ZC3H12C: variants seen among roughly 807,000 people sequenced by gnomAD.
ZC3H12C encodes zinc finger CCCH-type containing 12C, also known as probable ribonuclease ZC3H12C.
In ZC3H12C, 20 loss-of-function variants were observed where a neutral mutation model predicts 76.3. The ratio of observed to expected loss-of-function variants is 0.26; its 90% CI spans 0.18 to 0.38. The LOEUF is 0.38. Ranked by LOEUF, ZC3H12C falls within the 10% of genes least tolerant of loss-of-function variation. The pLI is 1.00. For synonymous variants in ZC3H12C, 352 were observed against 399.6 expected (o/e 0.88, Z 1.42); for missense variants, 874 against 1,086.5 (o/e 0.80, Z 2.75).
chr11:110,160,205 G>A (rs1482448271), intron 4 of ZC3H12C, among the ~76,000 whole-genome samples: 1 of 152,242 alleles, frequency 6.6e-6, no homozygotes, highest in Admixed American at 6.5e-5. Flanking sequence ...AGGACGGGAA[G>A]TTGTCCTGAG....
rs112402193 is a variant in ZC3H12C at position 110,132,092 on chromosome 11, C to T, written c.22-4571C>T. On this transcript the variant is annotated intron_variant, in intron 1 of 5. Coordinates refer to ENST00000278590, the MANE Select transcript of ZC3H12C (RefSeq NM_033390.2). The stretch of plus-strand genomic sequence containing the variant: ...TTCATTATTTTATTTTTATTGTTCT[C>T]ATAGTATTACCATTTGGATAACAAC... 3.7e-3 allele frequency among the ~76,000 whole-genome samples: 565 copies of T among 152,278 alleles called. 5 individuals are homozygous for T. The highest frequency in any genetic ancestry group is 0.013 in the African/African-American group (536 of 41,558).
chr11:110,098,870 A>G (rs1861162624), intron 1 of ZC3H12C, among the ~76,000 whole-genome samples: 1 of 152,244 alleles, frequency 6.6e-6, no homozygotes, highest in South Asian at 2.1e-4. Context: ...TAACTTTGTC[A>G]AGTGACACAT....
intron 1 of ZC3H12C, among the ~76,000 whole-genome samples, chr11:110,100,037 A>C (rs2134142579): frequency 6.6e-6 from 1 of 151,870 alleles, no homozygotes. Flanking sequence ...TGATAGTACA[A>C]AATGATAATG....
chr11:110,101,503 G>A (rs7128556), intron 1 of ZC3H12C, among the ~76,000 whole-genome samples: 116,094 of 151,674 alleles, frequency 0.77, 45,577 homozygotes, highest in African/African-American at 0.94. Context: ...TTCAGTGTTC[G>A]TCTACCATTT....
chr11:110,141,342 C>A (rs1862064600), intron 2 of ZC3H12C, among the ~76,000 whole-genome samples: 1 of 152,160 alleles, frequency 6.6e-6, no homozygotes, highest in Non-Finnish European at 1.5e-5. Context: ...CAGAGTTTAG[C>A]AATCTGTACA....
chr11:110,132,685 A>G (rs1861888626), intron 1 of ZC3H12C, among the ~76,000 whole-genome samples: 1 of 152,132 alleles, frequency 6.6e-6, no homozygotes, highest in South Asian at 2.1e-4. Flanking sequence ...CATTTCTTGG[A>G]GTTTTTTGAT....
intron 2 of ZC3H12C, among the ~76,000 whole-genome samples, chr11:110,143,243 A>T (rs1390737573): frequency 6.6e-6 from 1 of 152,188 alleles, no homozygotes; most frequent in African/African-American, 2.4e-5. Context: ...GTATTTTCCT[A>T]TTGAAGATGA....
At position 110,166,637 on chromosome 11, in the gene ZC3H12C, T is replaced by TG. The variant is rs1862590538; in HGVS notation, c.*904dup. On this transcript the variant is annotated 3_prime_UTR_variant, in exon 6 of 6. Coordinates refer to ENST00000278590, the MANE Select transcript of ZC3H12C (RefSeq NM_033390.2). ...TTTTAATATGTCTGTCTTTTTGTTTTGGGGCACAACAATACTGGATAAAAT... is the reference window on the plus strand; with the variant it reads ...TTTTAATATGTCTGTCTTTTTGTTTTGGGGGCACAACAATACTGGATAAAAT... The TG allele has an allele frequency of 6.6e-6, 1 of 152,344 alleles. No homozygotes were observed. Among genetic ancestry groups the TG allele is most frequent in the South Asian group, 2.1e-4 (1 of 4,824 alleles). 9.4% of individuals were successfully genotyped at this position (152,344 alleles called of 1,614,324 possible).
chr11:110,114,275 A>G (rs1249622191), intron 1 of ZC3H12C, among the ~76,000 whole-genome samples: 1 of 152,176 alleles, frequency 6.6e-6, no homozygotes, highest in Non-Finnish European at 1.5e-5. Flanking sequence ...CATAGGGAAT[A>G]TAGGAATAGT....
Position 110,164,250 on chromosome 11 carries a change from G to T in ZC3H12C, c.1256-91G>T. The T allele has an allele frequency of 6.8e-6, 8 of 1,174,884 alleles. No homozygotes were observed. Among genetic ancestry groups the T allele is most frequent in the Non-Finnish European group, 9.3e-6 (8 of 857,294 alleles). 72.8% of individuals were successfully genotyped at this position (1,174,884 alleles called of 1,614,324 possible). A position where few individuals can be genotyped will look rare whatever the true frequency, so the allele number is the denominator to read the frequency against. On this transcript the variant is annotated intron_variant, in intron 5 of 5. Transcript: ENST00000278590. This position sits in a 1 kb window ranked among gnomAD's most constrained non-coding sequence, Gnocchi z 5.7. ...TAGCACAGCTCCCATTTCTATCGTT[G>T]TCTCTTCTACAAGTTAAAATCATAG... is the stretch of plus-strand genomic sequence containing the variant.
intron 1 of ZC3H12C, among the ~76,000 whole-genome samples, chr11:110,123,523 A>G (rs186105431): frequency 6.6e-6 from 1 of 152,298 alleles, no homozygotes; most frequent in East Asian, 1.9e-4. Flanking sequence ...CTGGTTCCTA[A>G]ACAGAATTGA....
intron 1 of ZC3H12C, among the ~76,000 whole-genome samples, chr11:110,101,108 G>C (rs1861205615): frequency 6.6e-6 from 1 of 152,164 alleles, no homozygotes; most frequent in Non-Finnish European, 1.5e-5. Context: ...TGATGGTCTG[G>C]ATAGACAATC....
chr11:110,120,012 T>C (rs957508136), intron 1 of ZC3H12C, among the ~76,000 whole-genome samples: 3 of 152,208 alleles, frequency 2.0e-5, no homozygotes, highest in African/African-American at 7.2e-5. Flanking sequence ...AATATCACCT[T>C]ATCTAAGACG....
rs1040179117 is a variant in ZC3H12C, at chr11:110,170,261, A to T, written c.*4524A>T. ...ATTGAATTTCTTTCATAAACTTTTC[A>T]TTTCTGTTGATAAATGGGAATCCCT... On this transcript the variant is annotated 3_prime_UTR_variant, in exon 6 of 6. Coordinates refer to ENST00000278590, the MANE Select transcript of ZC3H12C (RefSeq NM_033390.2). 4 of 152,256 alleles carry T rather than the reference A, an allele frequency of 2.6e-5. No homozygotes were observed. In the South Asian group the frequency reaches 8.3e-4, roughly 32 times the overall value. The allele number at this position is 152,256 out of a possible 1,614,324, so 9.4% of individuals were successfully genotyped here.
intron 1 of ZC3H12C, among the ~76,000 whole-genome samples, chr11:110,116,952 T>C (rs897429340): frequency 9.9e-5 from 15 of 152,222 alleles, no homozygotes; most frequent in Admixed American, 9.2e-4. Context: ...TATACTAGAA[T>C]AAATTGTACC....
At chr11:110,131,212 A>G in intron 1 of ZC3H12C, 1 of 884,446 alleles carries the variant, frequency 1.1e-6, no homozygotes, top group Non-Finnish European at 1.8e-6. Flanking sequence ...AAAGTCTACA[A>G]ATTATTACAT....
chr11:110,101,250 G>T (rs1304610394), intron 1 of ZC3H12C, among the ~76,000 whole-genome samples: 10 of 152,170 alleles, frequency 6.6e-5, no homozygotes, highest in Non-Finnish European at 1.2e-4. Flanking sequence ...AGGCTGGTTC[G>T]TGAAGTTTAA....
In ZC3H12C at chr11:110,101,599, A is replaced by G. The variant is rs573479458; in HGVS notation, c.21+8167A>G. Among the ~76,000 whole-genome samples, 57 of 150,212 alleles carry G rather than the reference A, an allele frequency of 3.8e-4. No homozygotes were observed. In the East Asian group the frequency reaches 0.01, roughly 27 times the overall value. On this transcript the variant is annotated intron_variant, in intron 1 of 5. Coordinates refer to ENST00000278590, the MANE Select transcript of ZC3H12C (RefSeq NM_033390.2). ...GTCTTGCTCTGTCGCCCAGGCTGGA[A>G]TGCAGTGGTGCGATCTCAGCTCACT...
chr11:110,165,893 C>T lies in ZC3H12C; in HGVS notation c.*156C>T, dbSNP rs1591489554. Reference sequence around the variant, plus strand: ...TGTATCATGGAATCTGTATGTATAGCCCCACATGGTGGAAGTATCACGGGA... The same window carrying T: ...TGTATCATGGAATCTGTATGTATAGTCCCACATGGTGGAAGTATCACGGGA... On this transcript the variant is annotated 3_prime_UTR_variant, in exon 6 of 6. Transcript: ENST00000278590. 1 of 704,490 alleles carries T rather than the reference C, an allele frequency of 1.4e-6. No individual in the cohort carries two copies. The highest frequency in any genetic ancestry group is 3.2e-5 in the Admixed American group (1 of 31,282). The allele number at this position is 704,490 out of a possible 1,614,324, so 43.6% of individuals were successfully genotyped here. A position where few individuals can be genotyped will look rare whatever the true frequency, so the allele number is the denominator to read the frequency against.
Sources: gnomAD v4.1 joint callset for allele counts (sites outside exome capture counted in the v4.1 genomes callset) on GRCh38, gnomAD v4.1.1 for gene constraint, Gnocchi (gnomAD v3.1) non-coding constraint, MANE v1.5 for transcripts, NCBI Gene and HGNC (gene_info 2026-07-23, HGNC 2026-07-21) for gene names.